ZSCAN18: variants seen among roughly 807,000 people sequenced by gnomAD.
ZSCAN18 encodes zinc finger and SCAN domain containing 18.
ZSCAN18 carries 16 observed loss-of-function variants against 31.1 expected under a neutral mutation model. That is an observed-to-expected ratio of 0.51 (90% CI 0.35 to 0.78). The LOEUF (loss-of-function observed/expected upper bound fraction) is 0.78. Ranked by LOEUF, ZSCAN18 falls within the 30% of genes least tolerant of loss-of-function variation. The probability of loss-of-function intolerance (pLI) is 0.01; values close to 1 mark genes in which losing one functional copy is unlikely to be tolerated. For synonymous variants in ZSCAN18, 375 were observed against 320.7 expected (o/e 1.17, Z -1.81); for missense variants, 731 against 697.4 (o/e 1.05, Z -0.54).
At chr19:58,097,370 T>C (rs759873587) in intron 1 of ZSCAN18, among the ~76,000 whole-genome samples, 4 of 151,346 alleles carry the variant, frequency 2.6e-5, no homozygotes, top group African/African-American at 4.9e-5. Context: ...GAAGGAGTGA[T>C]GGGAGGGTGA....
intron 1 of ZSCAN18, chr19:58,109,061 T>C: frequency 8.2e-7 from 1 of 1,225,014 alleles, no homozygotes; most frequent in Non-Finnish European, 1.0e-6. Context: ...ATGACCACAA[T>C]GGTCATGGTG....
intron 1 of ZSCAN18, among the ~76,000 whole-genome samples, chr19:58,114,450 A>C (rs1233320521): frequency 2.0e-5 from 3 of 152,140 alleles, no homozygotes; most frequent in Non-Finnish European, 2.9e-5. Context: ...TTATGAGTAA[A>C]GTGTCATACT....
rs374086957 is a variant in ZSCAN18, at chr19:58,089,302, CAAAAAAAAAAAAAAAAAAAAA to C, written c.404-486_404-466del. 2.0e-4 allele frequency among the ~76,000 whole-genome samples: 9 copies of C among 45,298 alleles called. No homozygotes were observed. In the South Asian group the frequency reaches 4.9e-3, roughly 24 times the overall value. The allele number at this position is 45,298 out of a possible 152,430, so 29.7% of individuals were successfully genotyped here. On this transcript the variant is annotated intron_variant, in intron 2 of 6. Transcript: ENST00000601144. ...TGGGCGACAGAGCGAGACTCCGTCT[CAAAAAAAAAAAAAAAAAAAAA>C]AAAAAAAAAAAAAAAGAGGCTGGGC... is the stretch of plus-strand genomic sequence containing the variant.
chr19:58,109,808 C>T (rs2074665126), intron 1 of ZSCAN18, among the ~76,000 whole-genome samples: 1 of 151,954 alleles, frequency 6.6e-6, no homozygotes, highest in Non-Finnish European at 1.5e-5. Context: ...AATAAATTAG[C>T]CAGATTTTTA....
intron 1 of ZSCAN18, chr19:58,093,495 C>T (rs959789307): frequency 6.6e-6 from 1 of 152,328 alleles, no homozygotes; most frequent in Admixed American, 6.5e-5. Context: ...GGGGTGCCCT[C>T]TCTCCTCACA....
chr19:58,097,826 T>A, intron 1 of ZSCAN18: 2 of 250,792 alleles, frequency 8.0e-6, no homozygotes, highest in Non-Finnish European at 1.1e-5. Flanking sequence ...CCCTCATCTC[T>A]CCCCCATCAG....
Position 58,085,137 on chromosome 19 carries a change from C to A in ZSCAN18, c.1081G>T (p.Asp361Tyr). The A allele has an allele frequency of 6.2e-7, 1 of 1,610,274 alleles. No individual in the cohort carries two copies. The highest frequency in any genetic ancestry group is 1.1e-5 in the South Asian group (1 of 90,736). Residue 361 changes from aspartate (D) to tyrosine (Y), a missense_variant, in exon 7 of 7, where the codon GAC becomes TAC. Around this residue, in one of 4 missense-constraint regions of ZSCAN18, gnomAD observed 597 missense variants for 499.5 expected, o/e 1.20. Transcript: ENST00000601144. ...RQSVIQQPAP[D>Y]RGTAKLGTKR... Reference sequence around the variant, plus strand: ...GTTCCCAGTTTCGCCGTGCCCCTGTCCGGGGCAGGCTGCTGGATGACGGAC... The same window carrying A: ...GTTCCCAGTTTCGCCGTGCCCCTGTACGGGGCAGGCTGCTGGATGACGGAC...
chr19:58,102,059 TAC>T (rs773844642), upstream of ZSCAN18, among the ~76,000 whole-genome samples: 6 of 151,934 alleles, frequency 3.9e-5, no homozygotes, highest in African/African-American at 1.2e-4. Flanking sequence ...CACACATGCA[TAC>T]ACACACACAC....
chr19:58,084,642 CG>C lies in ZSCAN18; in HGVS notation c.*42del. On this transcript the variant is annotated 3_prime_UTR_variant, in exon 7 of 7. Coordinates refer to ENST00000601144, the MANE Select transcript of ZSCAN18 (RefSeq NM_001145543.2). The surrounding 1 kb of genome is among the most constrained non-coding windows in gnomAD (Gnocchi z 4.5). ...GGCCCAATGCCTCGTCTGGGATTCA[CG>C]GCCGGCAAAGCGGCCCCTCCGGAAC... 1 of 1,428,618 alleles carries C rather than the reference CG, an allele frequency of 7.0e-7. No individual in the cohort carries two copies. Among genetic ancestry groups the C allele is most frequent in the South Asian group, 1.5e-5 (1 of 67,136 alleles). 88.5% of individuals were successfully genotyped at this position (1,428,618 alleles called of 1,614,324 possible). A position where few individuals can be genotyped will look rare whatever the true frequency, so the allele number is the denominator to read the frequency against.
chr19:58,109,919 T>C (rs1265049177), intron 1 of ZSCAN18, among the ~76,000 whole-genome samples: 2 of 152,230 alleles, frequency 1.3e-5, no homozygotes, highest in African/African-American at 2.4e-5. Flanking sequence ...TTAGATATTA[T>C]GATTTTTAAA....
At chr19:58,118,336 G>A (rs1184459849) in exon 1 of ZSCAN18, 2 of 1,533,432 alleles carry the variant, frequency 1.3e-6, no homozygotes, top group Non-Finnish European at 8.8e-7. Context: ...GCCGCGAGAG[G>A]ACGGAACTCA....
rs1339182328 is a variant in ZSCAN18 at position 58,091,256 on chromosome 19, ACT to A, written c.-119-872_-119-871del. 1.0e-4 allele frequency among the ~76,000 whole-genome samples: 11 copies of A among 109,156 alleles called. No individual in the cohort carries two copies. In the South Asian group the frequency reaches 2.9e-3, roughly 28 times the overall value. 71.6% of individuals were successfully genotyped at this position (109,156 alleles called of 152,430 possible). A position where few individuals can be genotyped will look rare whatever the true frequency, so the allele number is the denominator to read the frequency against. On this transcript the variant is annotated intron_variant, in intron 1 of 6. Transcript: ENST00000601144. ...GCACTCCAGCCTGGGCAACGGTGAG[ACT>A]CTGTCTCAAAAAAAAAAAAAAAAAA...
At chr19:58,104,414 C>A (rs902881161) in intron 1 of ZSCAN18, among the ~76,000 whole-genome samples, 1 of 148,720 alleles carries the variant, frequency 6.7e-6, no homozygotes, top group African/African-American at 2.5e-5. Context: ...AAAAAAAAGT[C>A]TGGGCCGGGT....
At chr19:58,098,280 C>T, upstream of ZSCAN18, 1 of 985,476 alleles carries the variant, frequency 1.0e-6, no homozygotes, top group Non-Finnish European at 1.2e-6. Flanking sequence ...GACTACGACT[C>T]CCACAATGCC....
chr19:58,085,825 G>C, intron 6 of ZSCAN18: 1 of 326,738 alleles, frequency 3.1e-6, no homozygotes. Context: ...CTGGCGACAG[G>C]CACCCAGGGC....
chr19:58,103,742 T>A (rs1354642059), intron 1 of ZSCAN18, among the ~76,000 whole-genome samples: 2 of 152,066 alleles, frequency 1.3e-5, no homozygotes, highest in Admixed American at 1.3e-4. Context: ...AAAGGCAGAG[T>A]CAGACCTCTA....
At chr19:58,112,710 G>A (rs543197349) in intron 1 of ZSCAN18, among the ~76,000 whole-genome samples, 1 of 151,662 alleles carries the variant, frequency 6.6e-6, no homozygotes, top group Admixed American at 6.6e-5. Flanking sequence ...AGCACTTGAG[G>A]AGGCCGAGGG....
At chr19:58,088,427 G>A (rs2074330457) in intron 3 of ZSCAN18, 2 of 429,786 alleles carry the variant, frequency 4.7e-6, no homozygotes, top group Admixed American at 3.5e-5. Flanking sequence ...TCATGGTCGG[G>A]GGTTGGGAGA....
At chr19:58,094,284 G>A (rs1307477755) in intron 1 of ZSCAN18, among the ~76,000 whole-genome samples, 12 of 151,150 alleles carry the variant, frequency 7.9e-5, no homozygotes, top group East Asian at 5.9e-4. Flanking sequence ...GGTGGCAGGC[G>A]CCCGTAGTCC....
Sources: gnomAD v4.1 joint callset for allele counts (sites outside exome capture counted in the v4.1 genomes callset) on GRCh38, gnomAD v4.1.1 for gene constraint, gnomAD v4.1.1 regional missense constraint, Gnocchi (gnomAD v3.1) non-coding constraint, MANE v1.5 for transcripts, NCBI Gene and HGNC (gene_info 2026-07-23, HGNC 2026-07-21) for gene names.